COG5: variants seen among roughly 807,000 people sequenced by gnomAD.
COG5 encodes the protein component of oligomeric golgi complex 5.
Under a neutral mutation model 110.4 loss-of-function variants are expected in COG5, and 86 were observed. The observed-to-expected ratio is 0.78, with a 90% CI of 0.65 to 0.93. The LOEUF (loss-of-function observed/expected upper bound fraction) is 0.93. COG5 is among the 40% of genes least tolerant of loss of function. The pLI is 0.00. For synonymous variants in COG5, 360 were observed against 334.6 expected, an observed-to-expected ratio of 1.08 and a Z score of -0.83; for missense variants, 1,077 against 987.0, an observed-to-expected ratio of 1.09 and a Z score of -1.22.
chr7:107,327,368 T>C (rs1253435103), intron 10 of COG5, among the ~76,000 whole-genome samples: 1 of 152,108 alleles, frequency 6.6e-6, no homozygotes, highest in Non-Finnish European at 1.5e-5. Context: ...AGAAAAGCTC[T>C]GTGACACTGG....
At chr7:107,267,029 G>A (rs917981498) in intron 14 of COG5, among the ~76,000 whole-genome samples, 22 of 152,140 alleles carry the variant, frequency 1.4e-4, no homozygotes, top group African/African-American at 5.3e-4. Flanking sequence ...AGAGATGACA[G>A]CTTGAGATGG....
chr7:107,516,676 A>G (rs1799946355), intron 6 of COG5, among the ~76,000 whole-genome samples: 1 of 152,204 alleles, frequency 6.6e-6, no homozygotes, highest in Non-Finnish European at 1.5e-5. Context: ...GCAGGCAGCA[A>G]TCTTTTCTGT....
At chr7:107,317,452 G>T (rs1488345151) in intron 11 of COG5, among the ~76,000 whole-genome samples, 1 of 152,068 alleles carries the variant, frequency 6.6e-6, no homozygotes, top group Non-Finnish European at 1.5e-5. Context: ...GGTTTAGAGG[G>T]AACATCCTGT....
intron 11 of COG5, among the ~76,000 whole-genome samples, chr7:107,307,725 T>A (rs748502559): frequency 2.0e-5 from 3 of 152,020 alleles, no homozygotes; most frequent in Non-Finnish European, 2.9e-5. Context: ...TGCAAAGACA[T>A]AAGAATGATA....
chr7:107,328,949 T>C (rs1421688084), intron 10 of COG5, among the ~76,000 whole-genome samples: 2 of 152,068 alleles, frequency 1.3e-5, no homozygotes, highest in African/African-American at 4.8e-5. Flanking sequence ...GCTTCCTGAG[T>C]ACCTGGGACT....
chr7:107,514,249 A>G (rs1799757016), intron 6 of COG5, among the ~76,000 whole-genome samples: 1 of 151,824 alleles, frequency 6.6e-6, no homozygotes, highest in Non-Finnish European at 1.5e-5. Context: ...AAAGCTTTAA[A>G]ATAGAATATT....
At chr7:107,419,455 A>AT (rs1024825338) in intron 6 of COG5, among the ~76,000 whole-genome samples, 2 of 152,006 alleles carry the variant, frequency 1.3e-5, no homozygotes, top group African/African-American at 4.8e-5. Context: ...CCAATTATCT[A>AT]TTTTTTTCTA....
At chr7:107,503,818 C>T (rs780470411) in intron 6 of COG5, among the ~76,000 whole-genome samples, 6 of 152,134 alleles carry the variant, frequency 3.9e-5, no homozygotes, top group African/African-American at 1.4e-4. Context: ...TGTAGCAGTG[C>T]TACTGATTTG....
At chr7:107,460,762 AATAAAAGGGAAG>A (rs1436933172) in intron 6 of COG5, among the ~76,000 whole-genome samples, 1 of 152,126 alleles carries the variant, frequency 6.6e-6, no homozygotes, top group African/African-American at 2.4e-5. Flanking sequence ...AAATATCAGT[AATAAAAGGGAAG>A]ATATCTGCAC....
At chr7:107,277,473 C>T (rs772558295) in intron 14 of COG5, among the ~76,000 whole-genome samples, 12 of 152,112 alleles carry the variant, frequency 7.9e-5, no homozygotes, top group Non-Finnish European at 1.2e-4. Flanking sequence ...AAAAATAAGG[C>T]GAGTTGGACA....
chr7:107,206,902 G>C (rs1459224737), intron 21 of COG5, among the ~76,000 whole-genome samples: 1 of 152,118 alleles, frequency 6.6e-6, no homozygotes. Context: ...AGCTTTCTTG[G>C]AAGTCAGGCC....
At chr7:107,337,676 G>A (rs1042630053) in intron 10 of COG5, among the ~76,000 whole-genome samples, 2 of 152,080 alleles carry the variant, frequency 1.3e-5, no homozygotes, top group African/African-American at 4.8e-5. Flanking sequence ...GGGAGAAAGT[G>A]GGGGTTGGTA....
At chr7:107,554,210 T>TC in intron 3 of COG5, 75 bp downstream of exon 3, 1 of 1,305,214 alleles carries the variant, frequency 7.7e-7, no homozygotes, top group Non-Finnish European at 1.1e-6. Flanking sequence ...ATACTTGCCA[T>TC]CCAAAGTAGC....
chr7:107,215,066 T>C (rs1246298028), intron 19 of COG5, among the ~76,000 whole-genome samples: 1 of 152,178 alleles, frequency 6.6e-6, no homozygotes. Context: ...TTATCAAAAT[T>C]CAGTGTTATC....
chr7:107,382,751 T>G lies in COG5; in HGVS notation c.670-9991A>C, dbSNP rs183129486. On this transcript the variant is annotated intron_variant, in intron 7 of 21. Coordinates refer to ENST00000297135, the MANE Select transcript of COG5 (RefSeq NM_006348.5). ...ACCGCACCCAGCCTAAAGTCTATTT[T>G]TCAAAGAACTCAGTCCTGTGGTGAT... Among the ~76,000 whole-genome samples, 35 of 152,314 alleles carry G rather than the reference T, an allele frequency of 2.3e-4. No individual in the cohort carries two copies. The East Asian group carries it at 6.4e-3, about 28-fold the overall frequency.
At chr7:107,443,580 A>G (rs1035859252) in intron 6 of COG5, among the ~76,000 whole-genome samples, 2 of 152,188 alleles carry the variant, frequency 1.3e-5, no homozygotes, top group Admixed American at 1.3e-4. Flanking sequence ...CTCTAATGTA[A>G]TGAAGTATTA....
intron 7 of COG5, among the ~76,000 whole-genome samples, chr7:107,385,805 CTTTT>C (rs57758483): frequency 3.3e-5 from 4 of 122,314 alleles, no homozygotes; most frequent in African/African-American, 6.0e-5. Context: ...TTGTTATTTT[CTTTT>C]TTTTTTTTTT....
At chr7:107,415,156 A>G (rs1792627109) in intron 6 of COG5, among the ~76,000 whole-genome samples, 1 of 152,264 alleles carries the variant, frequency 6.6e-6, no homozygotes, top group Non-Finnish European at 1.5e-5. Context: ...TAAATTATTT[A>G]TTCAGAAGAA....
chr7:107,528,125 T>C (rs1239262153), intron 5 of COG5, among the ~76,000 whole-genome samples: 1 of 151,588 alleles, frequency 6.6e-6, no homozygotes, highest in Non-Finnish European at 1.5e-5. Flanking sequence ...AGGGTCTCGC[T>C]CAGTTGCCCA....
Sources: allele counts gnomAD v4.1 joint callset (sites outside exome capture counted in the v4.1 genomes callset), GRCh38; gene constraint gnomAD v4.1.1; transcripts MANE v1.5; gene names NCBI Gene and HGNC (gene_info 2026-07-23, HGNC 2026-07-21).